The following HYKK variants were observed in gnomAD, a reference collection of about 807,000 sequenced individuals.
The protein encoded by HYKK is 5-hydroxy-L-lysine kinase.
Under a neutral mutation model 29.7 loss-of-function variants are expected in HYKK, and 19 were observed. The ratio of observed to expected loss-of-function variants is 0.64; its 90% confidence interval spans 0.45 to 0.94. The LOEUF is 0.94. Among genes scored for constraint, HYKK ranks in the 40% least tolerant of loss-of-function variants. The pLI is 0.00. For missense variants in HYKK, 390 were observed against 443.4 expected, an observed-to-expected ratio of 0.88 and a Z score of 1.08; for synonymous variants, 152 against 158.1, an observed-to-expected ratio of 0.96 and a Z score of 0.29.
At chr15:78,531,930 C>A (rs2052316568) in intron 4 of HYKK, among the ~76,000 whole-genome samples, 1 of 135,580 alleles carries the variant, frequency 7.4e-6, no homozygotes, top group African/African-American at 2.5e-5. Context: ...AATATTGTTT[C>A]TATGTGCCCA....
intron 3 of HYKK, among the ~76,000 whole-genome samples, chr15:78,524,308 G>A (rs2052227454): frequency 6.6e-6 from 1 of 152,262 alleles, no homozygotes; most frequent in Non-Finnish European, 1.5e-5. Context: ...AAGGCTTCTA[G>A]CTTGCGCTTT....
chr15:78,526,369 G>A (rs1182007808), intron 3 of HYKK, among the ~76,000 whole-genome samples: 2 of 152,182 alleles, frequency 1.3e-5, no homozygotes, highest in African/African-American at 2.4e-5. Context: ...GCAATAAGTG[G>A]TAAGAAGAAA....
intron 1 of HYKK, among the ~76,000 whole-genome samples, chr15:78,508,880 C>CAAGAAAAAAAA (rs2052041883): frequency 1.8e-5 from 1 of 55,614 alleles, no homozygotes; most frequent in African/African-American, 7.4e-5. Flanking sequence ...CCTCTCTCTC[C>CAAGAAAAAAAA]AAAAAAAAAA....
rs764453490 is a variant in HYKK at position 78,513,385 on chromosome 15, T to C, written c.297T>C (p.Cys99=). Residue 99 remains cysteine (C), a synonymous_variant, in exon 2 of 5, where the codon TGT becomes TGC. Coordinates refer to ENST00000388988, the MANE Select transcript of HYKK (RefSeq NM_001013619.4). The part of the protein sequence containing the change: ...KAAGFPTASV[C]HTKGDNTASL... ...CTGGATTTCCAACAGCCTCTGTGTG[T>C]CACACTAAAGGAGACAACACAGCTT... 6.8e-6 allele frequency: 11 copies of C among 1,614,116 alleles called. No individual in the cohort carries two copies. The South Asian group carries it at 9.9e-5, about 14-fold the overall frequency.
rs546586793 is a variant in HYKK at position 78,513,534 on chromosome 15, G to A, written c.337+109G>A. The A allele has an allele frequency of 1.2e-3, 959 of 793,730 alleles. 26 individuals carry two copies. The South Asian group carries it at 0.016, about 13-fold the overall frequency. 49.2% of individuals were successfully genotyped at this position (793,730 alleles called of 1,614,324 possible). A position where few individuals can be genotyped will look rare whatever the true frequency, so the allele number is the denominator to read the frequency against. On this transcript the variant is annotated intron_variant, in intron 2 of 4. Transcript: ENST00000388988. Reference sequence around the variant, plus strand: ...GTTCATAATTCCAAGTGTAGATGTGGTTGTTATTATTTTTTAGCACCTCAA... The same window carrying A: ...GTTCATAATTCCAAGTGTAGATGTGATTGTTATTATTTTTTAGCACCTCAA...
At chr15:78,531,947 GTTACA>G (rs1273009366) in intron 4 of HYKK, among the ~76,000 whole-genome samples, 1 of 148,846 alleles carries the variant, frequency 6.7e-6, no homozygotes, top group Non-Finnish European at 1.5e-5. Context: ...CCCACTCACT[GTTACA>G]TTGCTTAAGC....
At chr15:78,528,958 A>C (rs1486572504) in intron 4 of HYKK, among the ~76,000 whole-genome samples, 1 of 152,170 alleles carries the variant, frequency 6.6e-6, no homozygotes, top group Non-Finnish European at 1.5e-5. Context: ...TTTTTCCCCC[A>C]GTCTTATTCA....
At position 78,511,343 on chromosome 15, in the gene HYKK, A is replaced by C. The variant is rs2141352234; in HGVS notation, c.-5-1741A>C. On this transcript the variant is annotated intron_variant, in intron 1 of 4. Coordinates refer to ENST00000388988, the MANE Select transcript of HYKK (RefSeq NM_001013619.4). ...TTCATATGTAGCTGGATGCTCAGAA[A>C]ATATACCAGGTGTGGGTAGCAGAGG... Among the ~76,000 whole-genome samples the C allele has an allele frequency of 2.6e-5, 4 of 152,242 alleles. 1 individual carries two copies. The South Asian group carries it at 8.3e-4, about 32-fold the overall frequency.
At chr15:78,513,491 TAG>T in intron 2 of HYKK, 66 bp downstream of exon 2, 5 of 1,149,994 alleles carry the variant, frequency 4.3e-6, no homozygotes, top group Non-Finnish European at 6.3e-6. Context: ...TGGCCACAAG[TAG>T]AACTATGAAG....
At chr15:78,532,627 TCTACTA>T (rs917154544) in intron 4 of HYKK, among the ~76,000 whole-genome samples, 5 of 152,022 alleles carry the variant, frequency 3.3e-5, no homozygotes, top group African/African-American at 4.8e-5. Flanking sequence ...AAACTCCGTC[TCTACTA>T]AAAATACAAA....
chr15:78,517,660 T>C (rs1166030469), intron 3 of HYKK, among the ~76,000 whole-genome samples: 1 of 152,180 alleles, frequency 6.6e-6, no homozygotes, highest in East Asian at 1.9e-4. Context: ...TTTCCTCATG[T>C]TTGTTATGCT....
chr15:78,532,156 T>C (rs1454300366), intron 4 of HYKK, among the ~76,000 whole-genome samples: 1 of 152,246 alleles, frequency 6.6e-6, no homozygotes, highest in Non-Finnish European at 1.5e-5. Flanking sequence ...TGTGGGTTTT[T>C]TCCCCCAACC....
Position 78,534,933 on chromosome 15 carries a change from A to C in HYKK, c.*1263A>C, listed in dbSNP as rs2141366902. 1 of 152,322 alleles carries C rather than the reference A, an allele frequency of 6.6e-6. No individual in the cohort carries two copies. Among genetic ancestry groups the C allele is most frequent in the Middle Eastern group, 3.4e-3 (1 of 294 alleles). 9.4% of individuals were successfully genotyped at this position (152,322 alleles called of 1,614,324 possible). On this transcript the variant is annotated 3_prime_UTR_variant, in exon 5 of 5. Coordinates refer to ENST00000388988, the MANE Select transcript of HYKK (RefSeq NM_001013619.4). ...TCTGTTTCTTTTTGGATGACTATGA[A>C]GTAGATTGGGTAGACTGAAGCTCAC...
chr15:78,521,711 A>G (rs947500200), intron 3 of HYKK, among the ~76,000 whole-genome samples: 19 of 152,086 alleles, frequency 1.2e-4, no homozygotes, highest in African/African-American at 3.9e-4. Context: ...TGAGTCCACA[A>G]TTGATTGTAA....
rs1241464320 is a variant in HYKK at position 78,517,084 on chromosome 15, C to G, written c.477+1977C>G. ...CTTCTTGCTTGCATCAGGTCCTTTTCTTTTCTTTCTTTCTTTCTTTCTTTC... is the reference window on the plus strand; with the variant it reads ...CTTCTTGCTTGCATCAGGTCCTTTTGTTTTCTTTCTTTCTTTCTTTCTTTC... On this transcript the variant is annotated intron_variant, in intron 3 of 4. Transcript: ENST00000388988. Among the ~76,000 whole-genome samples, 3 of 114,604 alleles carry G rather than the reference C, an allele frequency of 2.6e-5. No individual in the cohort carries two copies. In the East Asian group the frequency reaches 7.6e-4, roughly 29 times the overall value. The allele number at this position is 114,604 out of a possible 152,430, so 75.2% of individuals were successfully genotyped here.
At position 78,515,039 on chromosome 15, in the gene HYKK, C is replaced by A. The variant is rs762296061; in HGVS notation, c.409C>A (p.Leu137Ile). ...TYLPGRPIAE[L>I]PVSPQLLYEI... Reference sequence around the variant, plus strand: ...CCTCCCAGGAAGACCCATCGCTGAGCTTCCCGTCAGCCCCCAGCTATTGTA... The same window carrying A: ...CCTCCCAGGAAGACCCATCGCTGAGATTCCCGTCAGCCCCCAGCTATTGTA... The change falls in exon 3 of 5, where the codon CTT becomes ATT. Residue 137 changes from leucine (L) to isoleucine (I), a missense_variant. By Grantham distance (5) the Leu-to-Ile change is conservative (BLOSUM62 2). Coordinates refer to ENST00000388988, the MANE Select transcript of HYKK (RefSeq NM_001013619.4). 1.9e-6 allele frequency: 3 copies of A among 1,604,668 alleles called. No individual in the cohort carries two copies. Among genetic ancestry groups the A allele is most frequent in the Admixed American group, 3.4e-5 (2 of 59,392 alleles).
chr15:78,534,814 T>C lies in HYKK; in HGVS notation c.*1144T>C, dbSNP rs2052346807. 1 of 152,200 alleles carries C rather than the reference T, an allele frequency of 6.6e-6. No individual in the cohort carries two copies. Among genetic ancestry groups the C allele is most frequent in the South Asian group, 2.1e-4 (1 of 4,828 alleles). The allele number at this position is 152,200 out of a possible 1,614,324, so 9.4% of individuals were successfully genotyped here. Reference sequence around the variant, plus strand: ...AATAATGACATCCAGGCAAGGCCACTAACCCCTGAGCTACTTAAATATAAT... The same window carrying C: ...AATAATGACATCCAGGCAAGGCCACCAACCCCTGAGCTACTTAAATATAAT... On this transcript the variant is annotated 3_prime_UTR_variant, in exon 5 of 5. Transcript: ENST00000388988.
At chr15:78,509,613 T>C (rs1252444695) in intron 1 of HYKK, among the ~76,000 whole-genome samples, 1 of 152,194 alleles carries the variant, frequency 6.6e-6, no homozygotes, top group Non-Finnish European at 1.5e-5. Context: ...TGAAAATGAC[T>C]CCAGGATTTC....
At chr15:78,520,418 A>G (rs1316280129) in intron 3 of HYKK, among the ~76,000 whole-genome samples, 1 of 152,006 alleles carries the variant, frequency 6.6e-6, no homozygotes, top group Non-Finnish European at 1.5e-5. Flanking sequence ...TGGGTACTTA[A>G]GATTAGGGAG....
Sources: allele counts gnomAD v4.1 joint callset (sites outside exome capture counted in the v4.1 genomes callset), GRCh38; gene constraint gnomAD v4.1.1; transcripts MANE v1.5; gene names NCBI Gene and HGNC (gene_info 2026-07-23, HGNC 2026-07-21).